MAST4: variants seen among roughly 807,000 people sequenced by gnomAD.
MAST4 encodes microtubule-associated serine/threonine-protein kinase 4.
Under a neutral mutation model 162.7 loss-of-function variants are expected in MAST4, and 89 were observed. The observed-to-expected ratio is 0.55, with a 90% CI of 0.46 to 0.65. The LOEUF is 0.65. Ranked by LOEUF, MAST4 falls within the 30% of genes least tolerant of loss-of-function variation. The pLI is 0.00. For missense variants in MAST4, 3,153 were observed against 3,374.0 expected (o/e 0.93, Z 1.62); for synonymous variants, 1,479 against 1,361.1 (o/e 1.09, Z -1.91).
chr5:66,755,424 G>A (rs185107281), intron 1 of MAST4, among the ~76,000 whole-genome samples: 2 of 152,298 alleles, frequency 1.3e-5, no homozygotes, highest in East Asian at 1.9e-4. Context: ...AAATGAGGTC[G>A]GAGAAAATTG....
chr5:66,627,116 G>A (rs1265216616), intron 1 of MAST4, among the ~76,000 whole-genome samples: 1 of 152,176 alleles, frequency 6.6e-6, no homozygotes, highest in Admixed American at 6.5e-5. Flanking sequence ...GGCTGGGGAG[G>A]CCTTAGGAAA....
intron 3 of MAST4, among the ~76,000 whole-genome samples, chr5:66,811,661 A>G (rs887033610): frequency 6.6e-6 from 1 of 152,204 alleles, no homozygotes. Context: ...ATGTCAAGAA[A>G]GTCTAATCTG....
chr5:66,905,883 T>C (rs1763324322), intron 4 of MAST4, among the ~76,000 whole-genome samples: 1 of 152,104 alleles, frequency 6.6e-6, no homozygotes, highest in African/African-American at 2.4e-5. Flanking sequence ...GAAACTAGGG[T>C]TCTTATTATG....
intron 4 of MAST4, among the ~76,000 whole-genome samples, chr5:66,961,284 T>C (rs1451929904): frequency 6.6e-6 from 1 of 152,248 alleles, no homozygotes; most frequent in African/African-American, 2.4e-5. Context: ...TAAATTTAAT[T>C]ATCTGGGAAT....
chr5:66,756,915 C>T (rs1206649946), intron 1 of MAST4, among the ~76,000 whole-genome samples: 3 of 152,150 alleles, frequency 2.0e-5, no homozygotes. Context: ...TCAGTTTTCC[C>T]AGATTTAAAA....
chr5:67,109,629 C>T (rs888749852), intron 10 of MAST4, among the ~76,000 whole-genome samples: 3 of 152,024 alleles, frequency 2.0e-5, no homozygotes, highest in East Asian at 1.9e-4. Context: ...AATTTATAGG[C>T]GAATCATATT....
rs1238809032 is a variant in MAST4 at position 67,166,171 on chromosome 5, C to T, written c.6992C>T (p.Pro2331Leu). 6.4e-6 allele frequency: 10 copies of T among 1,556,864 alleles called. No homozygotes were observed. The highest frequency in any genetic ancestry group is 8.7e-6 in the Non-Finnish European group (10 of 1,149,936). The change falls in exon 29 of 29, where the codon CCA (proline) becomes CTA (leucine). Residue 2331 changes from proline to leucine, a missense_variant. Coordinates refer to ENST00000403625, the MANE Select transcript of MAST4 (RefSeq NM_001164664.2). ...GTTGGTGAAAAGCAAACCCTGTCTC[C>T]AAAGCACCCCAAACCATCCACTGTG... ...SAVGEKQTLS[P>L]KHPKPSTVKD...
intron 3 of MAST4, among the ~76,000 whole-genome samples, chr5:66,871,060 G>C (rs1760898194): frequency 6.6e-6 from 1 of 152,144 alleles, no homozygotes. Context: ...CCTGAAAAAT[G>C]AAACAAATCC....
At position 66,944,027 on chromosome 5, in the gene MAST4, A is replaced by G. The variant is rs74618865; in HGVS notation, c.674+44045A>G. Among the ~76,000 whole-genome samples, 885 of 152,178 alleles carry G rather than the reference A, an allele frequency of 5.8e-3. 10 individuals are homozygous for G. Among genetic ancestry groups the G allele is most frequent in the African/African-American group, 0.02 (838 of 41,554 alleles). On this transcript the variant is annotated intron_variant, in intron 4 of 28. Coordinates refer to ENST00000403625, the MANE Select transcript of MAST4 (RefSeq NM_001164664.2). Reference sequence around the variant, plus strand: ...TAACCATCTCCCCGTTCTTTGCTCTATTGATTTGTTAGAGTTGACGTGTAA... The same window carrying G: ...TAACCATCTCCCCGTTCTTTGCTCTGTTGATTTGTTAGAGTTGACGTGTAA...
intron 14 of MAST4, among the ~76,000 whole-genome samples, chr5:67,123,603 A>C (rs1767835446): frequency 6.6e-6 from 1 of 152,260 alleles, no homozygotes; most frequent in Admixed American, 6.5e-5. Context: ...TCTTCTCTCT[A>C]TAAGGTATCC....
At chr5:66,919,947 TC>T (rs757912233) in intron 4 of MAST4, among the ~76,000 whole-genome samples, 8,632 of 140,474 alleles carry the variant, frequency 0.061, 437 homozygotes, top group East Asian at 0.12. Flanking sequence ...CTTCCTTCCT[TC>T]CTTCCTTCCT....
At chr5:67,071,719 T>A (rs1761024127) in intron 5 of MAST4, among the ~76,000 whole-genome samples, 1 of 152,178 alleles carries the variant, frequency 6.6e-6, no homozygotes, top group Non-Finnish European at 1.5e-5. Context: ...GAGATCGTGC[T>A]GCTGCGCTCC....
chr5:66,599,437 C>A (rs1158942714), intron 1 of MAST4, among the ~76,000 whole-genome samples: 2 of 152,148 alleles, frequency 1.3e-5, no homozygotes, highest in Non-Finnish European at 2.9e-5. Context: ...GGATTGTGGA[C>A]CATTCAACTT....
In MAST4 at chr5:66,959,109, C is replaced by T. The variant is rs543393454; in HGVS notation, c.674+59127C>T. 5.8e-4 allele frequency: 392 copies of T among 670,766 alleles called. 7 individuals carry two copies. In the South Asian group the frequency reaches 6.2e-3, roughly 11 times the overall value. 41.6% of individuals were successfully genotyped at this position (670,766 alleles called of 1,614,324 possible). A position where few individuals can be genotyped will look rare whatever the true frequency, so the allele number is the denominator to read the frequency against. On this transcript the variant is annotated intron_variant, in intron 4 of 28. Coordinates refer to ENST00000403625, the MANE Select transcript of MAST4 (RefSeq NM_001164664.2). The stretch of plus-strand genomic sequence containing the variant: ...ACGGCTAGAGGTGGAAGGACCCAAA[C>T]TTGCAGCCTCCCCCTCCCCCTCGAG...
At chr5:66,814,973 A>G (rs574340469) in intron 3 of MAST4, among the ~76,000 whole-genome samples, 5 of 152,326 alleles carry the variant, frequency 3.3e-5, no homozygotes, top group Admixed American at 2.0e-4. Context: ...CTAGGTTTAT[A>G]TATTTGAATT....
At chr5:67,033,315 C>CTCTCTGTGTGTGTG (rs1554084489) in intron 4 of MAST4, among the ~76,000 whole-genome samples, 25 of 125,990 alleles carry the variant, frequency 2.0e-4, no homozygotes, top group African/African-American at 7.7e-4. Context: ...TTTCATTTCT[C>CTCTCTGTGTGTGTG]TGTGTGTGTG....
intron 1 of MAST4, among the ~76,000 whole-genome samples, chr5:66,606,211 A>G (rs930749223): frequency 1.3e-5 from 2 of 151,986 alleles, no homozygotes; most frequent in Non-Finnish European, 2.9e-5. Flanking sequence ...CTTGTTAAAC[A>G]GAATGTTTGG....
chr5:66,751,311 G>A (rs376075536), intron 1 of MAST4, among the ~76,000 whole-genome samples: 11 of 152,222 alleles, frequency 7.2e-5, no homozygotes, highest in African/African-American at 2.4e-4. Flanking sequence ...ACTTTGACGA[G>A]CTGAGAGAAG....
chr5:66,711,843 CA>C (rs1229152700), intron 1 of MAST4, among the ~76,000 whole-genome samples: 2 of 151,932 alleles, frequency 1.3e-5, no homozygotes, highest in Admixed American at 6.6e-5. Flanking sequence ...CCCCACCCCC[CA>C]AAAAAAGATG....
Sources: gnomAD v4.1 joint callset for allele counts (sites outside exome capture counted in the v4.1 genomes callset) on GRCh38, gnomAD v4.1.1 for gene constraint, MANE v1.5 for transcripts, NCBI Gene and HGNC (gene_info 2026-07-23, HGNC 2026-07-21) for gene names.